Variants in RANBP3L observed in about 807,000 individuals in gnomAD.
RANBP3L encodes the protein RAN binding protein 3 like.
In RANBP3L, 56 loss-of-function variants were observed where a neutral mutation model predicts 67.2. The observed-to-expected ratio is 0.83, with a 90% CI of 0.67 to 1.04. The LOEUF is 1.04. Among genes scored for constraint, RANBP3L ranks in the 50% least tolerant of loss-of-function variants. The pLI, the probability that RANBP3L is intolerant of heterozygous loss-of-function variation, is 0.00. For synonymous variants in RANBP3L, 164 were observed against 181.4 expected (o/e 0.90, Z 0.77); for missense variants, 496 against 535.5 (o/e 0.93, Z 0.73).
intron 1 of RANBP3L, among the ~76,000 whole-genome samples, chr5:36,276,974 T>G (rs1309267863): frequency 6.6e-6 from 1 of 152,086 alleles, no homozygotes; most frequent in Non-Finnish European, 1.5e-5. Flanking sequence ...GAAACCAAAT[T>G]CTCCATGCTG....
intron 1 of RANBP3L, among the ~76,000 whole-genome samples, chr5:36,291,965 G>T (rs1399758722): frequency 7.5e-6 from 1 of 134,130 alleles, no homozygotes; most frequent in South Asian, 2.8e-4. Flanking sequence ...AGATCCCTGA[G>T]GAATCGCCAC....
At chr5:36,296,941 C>A (rs1187005398) in intron 1 of RANBP3L, among the ~76,000 whole-genome samples, 3 of 152,190 alleles carry the variant, frequency 2.0e-5, no homozygotes, top group Admixed American at 6.6e-5. Context: ...GTCTACACTG[C>A]AGTTTGGACT....
intron 1 of RANBP3L, among the ~76,000 whole-genome samples, chr5:36,300,777 G>C (rs1424552523): frequency 6.6e-6 from 1 of 152,186 alleles, no homozygotes; most frequent in Non-Finnish European, 1.5e-5. Context: ...ATGGCTGGGA[G>C]GTAGATAGTT....
chr5:36,269,530 A>G, intron 3 of RANBP3L, 63 bp from the exon 4 acceptor site: 1 of 935,872 alleles, frequency 1.1e-6, no homozygotes. Context: ...TCAACTCATG[A>G]TAGGGTAGGA....
chr5:36,300,331 C>T (rs1752527608), intron 1 of RANBP3L, among the ~76,000 whole-genome samples: 1 of 152,130 alleles, frequency 6.6e-6, no homozygotes, highest in Non-Finnish European at 1.5e-5. Flanking sequence ...TATGCTAAGC[C>T]TTGTAGAGCA....
intron 4 of RANBP3L, 63 bp from the exon 5 acceptor site, chr5:36,265,583 G>C (rs945655253): frequency 4.1e-6 from 4 of 970,820 alleles, no homozygotes; most frequent in Non-Finnish European, 6.3e-6. Flanking sequence ...ACACTATTTG[G>C]GGCTTAACAA....
chr5:36,283,116 CT>C (rs1274473648), intron 1 of RANBP3L, among the ~76,000 whole-genome samples: 5 of 152,072 alleles, frequency 3.3e-5, no homozygotes, highest in Non-Finnish European at 7.4e-5. Context: ...GGATGCCTGG[CT>C]AGCTCAGTTG....
chr5:36,269,429 A>T lies in RANBP3L; in HGVS notation c.229T>A (p.Ser77Thr), dbSNP rs747450419. 1.9e-6 allele frequency: 3 copies of T among 1,580,090 alleles called. No homozygotes were observed. The highest frequency in any genetic ancestry group is 2.6e-6 in the Non-Finnish European group (3 of 1,148,752). The change falls in exon 4 of 14, where the codon TCT becomes ACT. Residue 77 changes from serine (S) to threonine (T), a missense_variant. Physicochemically the swap from Ser to Thr is moderately conservative, Grantham distance 58. Transcript: ENST00000296604. ...GFPTKRVRSSSFTFHITDSQS... is the reference protein window; with the variant it reads ...GFPTKRVRSSTFTFHITDSQS... The stretch of plus-strand genomic sequence containing the variant: ...GAATCTGTAATATGAAAAGTAAAAG[A>T]TGAAGACCGTACACGCTTTGTTGGA...
intron 1 of RANBP3L, among the ~76,000 whole-genome samples, chr5:36,279,319 T>C (rs1750814245): frequency 6.6e-6 from 1 of 152,174 alleles, no homozygotes; most frequent in Admixed American, 6.6e-5. Flanking sequence ...TTTCTACTTA[T>C]TTCTAGCCAT....
chr5:36,277,112 A>G (rs1279772613), intron 1 of RANBP3L, among the ~76,000 whole-genome samples: 1 of 152,242 alleles, frequency 6.6e-6, no homozygotes, highest in Non-Finnish European at 1.5e-5. Flanking sequence ...AATTGCTACC[A>G]GGACTGGAAT....
At chr5:36,270,098 A>G (rs1301432283) in intron 2 of RANBP3L, 108 bp from the exon 3 acceptor site, 3 of 936,048 alleles carry the variant, frequency 3.2e-6, no homozygotes, top group East Asian at 4.8e-5. Flanking sequence ...AAAAATTGCA[A>G]TTACTTTTGC....
At chr5:36,288,391 G>A (rs533231919) in intron 1 of RANBP3L, among the ~76,000 whole-genome samples, 51 of 152,276 alleles carry the variant, frequency 3.3e-4, no homozygotes, top group African/African-American at 1.1e-3. Context: ...CTTATGAACA[G>A]TTTTGGGTTG....
intron 4 of RANBP3L, among the ~76,000 whole-genome samples, chr5:36,268,962 G>C (rs1470838350): frequency 6.6e-6 from 1 of 152,026 alleles, no homozygotes; most frequent in Non-Finnish European, 1.5e-5. Context: ...TGTCCACCTT[G>C]GCCTCCAAAA....
chr5:36,260,347 C>A lies in RANBP3L; in HGVS notation c.669+433G>T, dbSNP rs190854819. Among the ~76,000 whole-genome samples the A allele has an allele frequency of 4.2e-5, 5 of 120,342 alleles. No homozygotes were observed. The East Asian group carries it at 1.1e-3, about 26-fold the overall frequency. The allele number at this position is 120,342 out of a possible 152,430, so 78.9% of individuals were successfully genotyped here. ...CTGCACTCCAGCCTGGGTGACAGAG[C>A]GAGACTCTGTCTCAAAAAAAAAAAA... is the stretch of plus-strand genomic sequence containing the variant. On this transcript the variant is annotated intron_variant, in intron 8 of 13. Transcript: ENST00000296604.
At chr5:36,268,707 C>A (rs988504191) in intron 4 of RANBP3L, among the ~76,000 whole-genome samples, 2 of 151,170 alleles carry the variant, frequency 1.3e-5, no homozygotes, top group Admixed American at 6.6e-5. Flanking sequence ...TTTAAATAGG[C>A]GGTTACTTTT....
At chr5:36,267,264 T>G (rs1749865776) in intron 4 of RANBP3L, among the ~76,000 whole-genome samples, 1 of 152,146 alleles carries the variant, frequency 6.6e-6, no homozygotes, top group African/African-American at 2.4e-5. Flanking sequence ...ATCCCAGCAC[T>G]TTGGGAGGCC....
intron 3 of RANBP3L, 34 bp from the exon 4 acceptor site, chr5:36,269,501 T>C (rs1221049086): frequency 8.1e-7 from 1 of 1,232,152 alleles, no homozygotes; most frequent in East Asian, 2.3e-5. Context: ...CTAAAATTAC[T>C]TGTGATAATA....
intron 10 of RANBP3L, among the ~76,000 whole-genome samples, chr5:36,256,176 A>G (rs1314547226): frequency 6.6e-6 from 1 of 152,128 alleles, no homozygotes; most frequent in Non-Finnish European, 1.5e-5. Flanking sequence ...GTGTACAAGA[A>G]TCACCTAGAC....
chr5:36,276,846 ACTC>A (rs1750607671), intron 1 of RANBP3L, among the ~76,000 whole-genome samples: 1 of 152,158 alleles, frequency 6.6e-6, no homozygotes, highest in African/African-American at 2.4e-5. Context: ...GCTCCATTGT[ACTC>A]CAGGGGGCAT....
Sources: gnomAD v4.1 joint callset for allele counts (sites outside exome capture counted in the v4.1 genomes callset) on GRCh38, gnomAD v4.1.1 for gene constraint, MANE v1.5 for transcripts, NCBI Gene and HGNC (gene_info 2026-07-23, HGNC 2026-07-21) for gene names.